The following TLCD4 variants were observed in gnomAD, a reference collection of about 807,000 sequenced individuals.
TLCD4 encodes the protein TLC domain-containing protein 4.
Under a neutral mutation model 24.2 loss-of-function variants are expected in TLCD4, and 7 were observed. The ratio of observed to expected loss-of-function variants is 0.29; its 90% CI spans 0.16 to 0.54. TLCD4 has a LOEUF of 0.54. TLCD4 is among the 20% of genes least tolerant of loss of function. The pLI, the probability that TLCD4 is intolerant of heterozygous loss-of-function variation, is 0.95. For missense variants in TLCD4, 259 were observed against 313.9 expected (o/e 0.82, Z 1.32); for synonymous variants, 103 against 106.4 (o/e 0.97, Z 0.20).
intron 6 of TLCD4, among the ~76,000 whole-genome samples, chr1:95,180,920 TTTC>T: frequency 6.6e-6 from 1 of 152,272 alleles, no homozygotes; most frequent in African/African-American, 2.4e-5. Flanking sequence ...AATACAATTT[TTTC>T]TTTTTTCTAC....
At chr1:95,094,967 C>T in the TLCD4 span, among the ~76,000 whole-genome samples, 1 of 152,202 alleles carries the variant, frequency 6.6e-6, no homozygotes, top group Admixed American at 6.5e-5. Context: ...TGGAGTCAGA[C>T]TACACGAGTT....
At chr1:95,137,597 A>G (rs75551351) in intron 1 of TLCD4, among the ~76,000 whole-genome samples, 7,220 of 152,188 alleles carry the variant, frequency 0.047, 322 homozygotes, top group East Asian at 0.2. Flanking sequence ...AACCTCACCT[A>G]CTAGAACTGA....
chr1:95,133,943 T>C (rs1038130536), intron 1 of TLCD4, among the ~76,000 whole-genome samples: 4 of 151,476 alleles, frequency 2.6e-5, no homozygotes, highest in African/African-American at 9.7e-5. Context: ...TGATGGACTT[T>C]GGGATGTAAG....
rs148626858 is a variant in TLCD4 at position 95,128,516 on chromosome 1, G to A, written c.-12+10899G>A. On this transcript the variant is annotated intron_variant, in intron 1 of 6. Coordinates refer to ENST00000370203, the MANE Select transcript of TLCD4 (RefSeq NM_152487.3). ...ATTACTGTACCTATAATGGAAGGGA[G>A]AACTAGTTAGGTGTTGTGGATACCA... 2.0e-3 allele frequency among the ~76,000 whole-genome samples: 298 copies of A among 152,296 alleles called. 2 individuals carry two copies. The highest frequency in any genetic ancestry group is 3.0e-3 in the Non-Finnish European group (201 of 68,028).
the TLCD4 span, among the ~76,000 whole-genome samples, chr1:95,094,416 G>C: frequency 6.6e-6 from 1 of 151,934 alleles, no homozygotes; most frequent in Non-Finnish European, 1.5e-5. Context: ...ATTACACCAT[G>C]CCTGGCTGGC....
intron 2 of TLCD4, among the ~76,000 whole-genome samples, chr1:95,144,467 T>G (rs1677294707): frequency 6.6e-6 from 1 of 152,226 alleles, no homozygotes; most frequent in Non-Finnish European, 1.5e-5. Flanking sequence ...GCAGTTAGAC[T>G]CTACACATCA....
At chr1:95,142,014 A>G (rs1373957378) in intron 1 of TLCD4, among the ~76,000 whole-genome samples, 2 of 152,074 alleles carry the variant, frequency 1.3e-5, no homozygotes, top group Admixed American at 1.3e-4. Flanking sequence ...ATTTCTTTGC[A>G]TTAGGCAGCT....
At chr1:95,141,148 A>T (rs1291769791) in intron 1 of TLCD4, among the ~76,000 whole-genome samples, 1 of 152,190 alleles carries the variant, frequency 6.6e-6, no homozygotes, top group African/African-American at 2.4e-5. Context: ...ATATATCCCA[A>T]AGTCTTACCT....
chr1:95,151,293 T>G (rs756506494), intron 4 of TLCD4, 32 bp from the exon 5 acceptor site: 1 of 1,607,310 alleles, frequency 6.2e-7, no homozygotes, highest in East Asian at 2.2e-5. Flanking sequence ...TTTCTTCTTA[T>G]GTAATACCTT....
At chr1:95,111,136 A>T in the TLCD4 span, among the ~76,000 whole-genome samples, 188 of 33,916 alleles carry the variant, frequency 5.5e-3, no homozygotes, top group African/African-American at 0.011. Flanking sequence ...CATAAAATAA[A>T]AAAAAAAAAA....
In TLCD4 at chr1:95,117,394, C is replaced by G. The variant is rs907681502; in HGVS notation, c.-235C>G. On this transcript the variant is annotated 5_prime_UTR_variant, in exon 1 of 7. Transcript: ENST00000370203. ...CGGTAACCCGAGCCCGCAGTCCGGGCGGGCGCGACGGCCGCCGCGGTAGCT... is the reference window on the plus strand; with the variant it reads ...CGGTAACCCGAGCCCGCAGTCCGGGGGGGCGCGACGGCCGCCGCGGTAGCT... The G allele has an allele frequency of 2.0e-5, 3 of 152,122 alleles. No individual in the cohort carries two copies. The highest frequency in any genetic ancestry group is 3.2e-3 in the Middle Eastern group (1 of 314). The allele number at this position is 152,122 out of a possible 1,614,324, so 9.4% of individuals were successfully genotyped here.
intron 1 of TLCD4, among the ~76,000 whole-genome samples, chr1:95,127,860 C>T (rs565303471): frequency 1.3e-5 from 2 of 152,300 alleles, no homozygotes; most frequent in African/African-American, 4.8e-5. Flanking sequence ...ATTAATTTGA[C>T]CTCCCAATTA....
At chr1:95,150,627 A>T (rs1677469641) in intron 4 of TLCD4, among the ~76,000 whole-genome samples, 1 of 152,138 alleles carries the variant, frequency 6.6e-6, no homozygotes, top group South Asian at 2.1e-4. Flanking sequence ...AATGTGTTCC[A>T]GTAGTCATGG....
intron 6 of TLCD4, among the ~76,000 whole-genome samples, chr1:95,184,565 CAA>C (rs923812403): frequency 1.3e-5 from 2 of 152,008 alleles, no homozygotes; most frequent in Admixed American, 6.6e-5. Context: ...GCTAAATGAC[CAA>C]AGTTAGGATT....
At chr1:95,092,537 C>T in the TLCD4 span, among the ~76,000 whole-genome samples, 1 of 152,196 alleles carries the variant, frequency 6.6e-6, no homozygotes, top group South Asian at 2.1e-4. Context: ...TTCTTTCGTT[C>T]TTTGCAATAA....
intron 6 of TLCD4, 91 bp downstream of exon 6, chr1:95,173,980 A>G: frequency 1.9e-6 from 3 of 1,539,838 alleles, no homozygotes; most frequent in Non-Finnish European, 2.7e-6. Flanking sequence ...AAGTTACTAT[A>G]TAAAAGATAC....
chr1:95,191,065 T>G (rs559635696), intron 6 of TLCD4, among the ~76,000 whole-genome samples: 1 of 152,316 alleles, frequency 6.6e-6, no homozygotes, highest in East Asian at 1.9e-4. Flanking sequence ...TCATACAGGT[T>G]TTTTTCCTTT....
At chr1:95,093,319 G>T in the TLCD4 span, among the ~76,000 whole-genome samples, 12 of 152,212 alleles carry the variant, frequency 7.9e-5, no homozygotes, top group African/African-American at 2.9e-4. Flanking sequence ...TACTGATTGT[G>T]TCAGGTTTCC....
chr1:95,129,440 C>T (rs1022734321), intron 1 of TLCD4, among the ~76,000 whole-genome samples: 2 of 152,112 alleles, frequency 1.3e-5, no homozygotes, highest in Non-Finnish European at 2.9e-5. Flanking sequence ...TATCATTTAT[C>T]TTTGAAAGGG....
Sources: gnomAD v4.1 joint callset for allele counts (sites outside exome capture counted in the v4.1 genomes callset) on GRCh38, gnomAD v4.1.1 for gene constraint, MANE v1.5 for transcripts, NCBI Gene and HGNC (gene_info 2026-07-23, HGNC 2026-07-21) for gene names.